ADAM23: variants seen among roughly 807,000 people sequenced by gnomAD.
The protein encoded by ADAM23 is ADAM metallopeptidase domain 23.
A neutral mutation model predicts 120.1 loss-of-function variants in ADAM23; 33 were observed. The observed-to-expected ratio is 0.27, with a 90% CI of 0.21 to 0.37. The LOEUF (loss-of-function observed/expected upper bound fraction) is 0.37, where lower values mean the gene tolerates loss of function less well. Among genes scored for constraint, ADAM23 ranks in the 10% least tolerant of loss-of-function variants. ADAM23 has a pLI of 1.00. For synonymous variants in ADAM23, 367 were observed against 375.2 expected, an observed-to-expected ratio of 0.98 and a Z score of 0.25; for missense variants, 862 against 1,058.2, an observed-to-expected ratio of 0.81 and a Z score of 2.57.
intron 24 of ADAM23, among the ~76,000 whole-genome samples, chr2:206,599,863 ACT>A (rs1698602915): frequency 6.6e-6 from 1 of 152,214 alleles, no homozygotes; most frequent in South Asian, 2.1e-4. Flanking sequence ...TGTTTTACTT[ACT>A]GTAGGCTCAG....
intron 18 of ADAM23, among the ~76,000 whole-genome samples, chr2:206,584,047 G>T (rs543668219): frequency 1.4e-4 from 21 of 152,260 alleles, no homozygotes; most frequent in Non-Finnish European, 2.4e-4. Context: ...TGTCCCACGG[G>T]TGTTCCCTTG....
rs1449859016 is a variant in ADAM23, at chr2:206,570,748, G to C, written c.1503G>C (p.Glu501Asp). The change falls in exon 16 of 26, where the codon GAG (glutamate) becomes GAC (aspartate). Residue 501 changes from glutamate (E) to aspartate (D), a missense_variant. Physicochemically the swap from Glu to Asp is conservative, Grantham distance 45. Around this residue, in one of 4 missense-constraint regions of ADAM23, gnomAD observed 617 missense variants for 813.5 expected, o/e 0.76. Transcript: ENST00000264377. ...CLFNRPTKLFEPTECGNGYVE... is the reference protein window; with the variant it reads ...CLFNRPTKLFDPTECGNGYVE... ...GTCCCTAATCTCTTTAGCTATTTGA[G>C]CCCACGGAATGTGGAAATGGATACG... is the stretch of plus-strand genomic sequence containing the variant. The C allele has an allele frequency of 6.2e-7, 1 of 1,613,744 alleles. No individual in the cohort carries two copies. The highest frequency in any genetic ancestry group is 1.1e-5 in the South Asian group (1 of 91,072).
intron 2 of ADAM23, among the ~76,000 whole-genome samples, chr2:206,464,809 A>G (rs969961456): frequency 6.6e-6 from 1 of 152,018 alleles, no homozygotes; most frequent in Non-Finnish European, 1.5e-5. Flanking sequence ...GAGGCTAGTG[A>G]TGCTGCCAAA....
At chr2:206,616,032 C>G (rs910507615) in intron 25 of ADAM23, among the ~76,000 whole-genome samples, 1 of 152,176 alleles carries the variant, frequency 6.6e-6, no homozygotes, top group Non-Finnish European at 1.5e-5. Context: ...ATCTTGAGTT[C>G]TAGCAATACA....
Position 206,542,075 on chromosome 2 carries a change from T to C in ADAM23, c.597T>C (p.His199=). ...AGGGTGGAGAGCACTGTTACTACCATGGAAGCATCAGAGGCGTCAAAGACT... is the reference window on the plus strand; with the variant it reads ...AGGGTGGAGAGCACTGTTACTACCACGGAAGCATCAGAGGCGTCAAAGACT... The part of the protein sequence containing the change: ...YSKGGEHCYY[H]GSIRGVKDSK... Residue 199 remains histidine (H), a synonymous_variant, in exon 5 of 26, where the codon CAT becomes CAC. Coordinates refer to ENST00000264377, the MANE Select transcript of ADAM23 (RefSeq NM_003812.4). 6.2e-7 allele frequency: 1 copy of C among 1,614,178 alleles called. No individual in the cohort carries two copies. Among genetic ancestry groups the C allele is most frequent in the South Asian group, 1.1e-5 (1 of 91,088 alleles).
intron 2 of ADAM23, among the ~76,000 whole-genome samples, chr2:206,467,666 G>C (rs1244380291): frequency 6.6e-6 from 1 of 152,214 alleles, no homozygotes; most frequent in Non-Finnish European, 1.5e-5. Context: ...AGGTCTTCAG[G>C]ATGGTGACCC....
chr2:206,541,919 GGA>G, intron 4 of ADAM23, 131 bp from the exon 5 acceptor site: 1 of 843,788 alleles, frequency 1.2e-6, no homozygotes, highest in East Asian at 2.5e-5. Context: ...ACTTTATATA[GGA>G]GGAGTTTCTA....
intron 3 of ADAM23, among the ~76,000 whole-genome samples, chr2:206,492,910 C>A (rs1696162639): frequency 6.6e-6 from 1 of 152,136 alleles, no homozygotes; most frequent in South Asian, 2.1e-4. Flanking sequence ...CAAATGTGAA[C>A]CTTAGAGAAA....
At chr2:206,592,835 T>G (rs903975786) in intron 22 of ADAM23, 99 bp downstream of exon 22, 2 of 1,416,468 alleles carry the variant, frequency 1.4e-6, no homozygotes, top group Admixed American at 2.2e-5. Flanking sequence ...TTTTTCTAGT[T>G]TTTACAAGAG....
At chr2:206,528,687 G>C (rs1273605765) in intron 3 of ADAM23, among the ~76,000 whole-genome samples, 1 of 152,140 alleles carries the variant, frequency 6.6e-6, no homozygotes, top group Non-Finnish European at 1.5e-5. Flanking sequence ...TTCAGCTAAA[G>C]AAGTAGTGTC....
chr2:206,532,340 TAAAG>T (rs375896783), intron 4 of ADAM23, among the ~76,000 whole-genome samples: 1 of 151,666 alleles, frequency 6.6e-6, no homozygotes, highest in African/African-American at 2.4e-5. Flanking sequence ...TTTTTTTTTT[TAAAG>T]AAACAGAATA....
intron 13 of ADAM23, among the ~76,000 whole-genome samples, chr2:206,564,555 G>A (rs1302218425): frequency 2.0e-5 from 3 of 152,198 alleles, no homozygotes; most frequent in East Asian, 1.9e-4. Flanking sequence ...ACCGTCTAGT[G>A]TGAACCCCAC....
intron 20 of ADAM23, among the ~76,000 whole-genome samples, chr2:206,588,924 G>A (rs917340243): frequency 6.6e-6 from 1 of 152,178 alleles, no homozygotes; most frequent in African/African-American, 2.4e-5. Flanking sequence ...AGACATATTT[G>A]TATTTTGAAA....
At chr2:206,517,258 T>C (rs1376245117) in intron 3 of ADAM23, among the ~76,000 whole-genome samples, 3 of 152,150 alleles carry the variant, frequency 2.0e-5, no homozygotes, top group South Asian at 2.1e-4. Context: ...CAGATACTTA[T>C]CTGCAAAAGA....
intron 24 of ADAM23, among the ~76,000 whole-genome samples, chr2:206,599,987 G>GTCAGGAGA (rs1456829401): frequency 2.0e-5 from 3 of 152,196 alleles, no homozygotes; most frequent in African/African-American, 7.2e-5. Flanking sequence ...GGATCACAAG[G>GTCAGGAGA]TCAGGAGATC....
At chr2:206,515,855 A>G (rs1415008694) in intron 3 of ADAM23, among the ~76,000 whole-genome samples, 1 of 151,916 alleles carries the variant, frequency 6.6e-6, no homozygotes, top group Non-Finnish European at 1.5e-5. Flanking sequence ...TGGTCTTAGT[A>G]GTGACAGCTT....
intron 2 of ADAM23, among the ~76,000 whole-genome samples, chr2:206,447,481 C>T (rs780113020): frequency 1.3e-5 from 2 of 152,168 alleles, no homozygotes; most frequent in Admixed American, 6.5e-5. Context: ...AAAGTGCTCC[C>T]GTACAGGTAT....
At chr2:206,549,524 C>T (rs1478532582) in intron 8 of ADAM23, among the ~76,000 whole-genome samples, 1 of 151,878 alleles carries the variant, frequency 6.6e-6, no homozygotes, top group Non-Finnish European at 1.5e-5. Flanking sequence ...AGACTTTAGA[C>T]TGTAATAATT....
At chr2:206,542,418 A>G (rs1697310262) in intron 5 of ADAM23, among the ~76,000 whole-genome samples, 1 of 152,230 alleles carries the variant, frequency 6.6e-6, no homozygotes, top group Non-Finnish European at 1.5e-5. Context: ...TAGTCCAGGA[A>G]GGTTTCCCAG....
Sources: gnomAD v4.1 joint callset for allele counts (sites outside exome capture counted in the v4.1 genomes callset) on GRCh38, gnomAD v4.1.1 for gene constraint, gnomAD v4.1.1 regional missense constraint, MANE v1.5 for transcripts, NCBI Gene and HGNC (gene_info 2026-07-23, HGNC 2026-07-21) for gene names.